PLEKHA8: variants seen among roughly 807,000 people sequenced by gnomAD.
PLEKHA8 encodes the protein pleckstrin homology domain-containing family A member 8.
PLEKHA8 carries 36 observed loss-of-function variants against 68.2 expected under a neutral mutation model. That is an observed-to-expected ratio of 0.53 (90% CI 0.40 to 0.70). PLEKHA8 has a LOEUF of 0.70. PLEKHA8 is among the 30% of genes least tolerant of loss of function. The pLI is 0.00. For synonymous variants in PLEKHA8, 211 were observed against 216.1 expected, an observed-to-expected ratio of 0.98 and a Z score of 0.20; for missense variants, 505 against 615.4, an observed-to-expected ratio of 0.82 and a Z score of 1.90.
At chr7:30,086,585 A>G (rs1485335854), downstream of PLEKHA8, among the ~76,000 whole-genome samples, 2 of 152,180 alleles carry the variant, frequency 1.3e-5, no homozygotes, top group Non-Finnish European at 2.9e-5. Context: ...CCAGCAAAGG[A>G]GAACAGAGTG....
chr7:30,065,245 G>A (rs1474868076), intron 12 of PLEKHA8, among the ~76,000 whole-genome samples: 1 of 152,180 alleles, frequency 6.6e-6, no homozygotes, highest in Non-Finnish European at 1.5e-5. Context: ...GAAAAGAGAA[G>A]GGAGGCTGTA....
intron 1 of PLEKHA8, among the ~76,000 whole-genome samples, chr7:30,039,993 A>G (rs747465080): frequency 8.5e-5 from 13 of 152,214 alleles, no homozygotes; most frequent in Non-Finnish European, 1.6e-4. Context: ...TTCACCTTAT[A>G]CACATTAACT....
chr7:30,036,702 A>G (rs1039065115), intron 1 of PLEKHA8, among the ~76,000 whole-genome samples: 1 of 152,202 alleles, frequency 6.6e-6, no homozygotes, highest in Non-Finnish European at 1.5e-5. Context: ...GATATAATCT[A>G]TTGTAATTAT....
At position 30,078,728 on chromosome 7, in the gene PLEKHA8, C is replaced by G; in HGVS notation, c.1501C>G (p.Leu501Val). 2 of 1,613,854 alleles carry G rather than the reference C, an allele frequency of 1.2e-6. No homozygotes were observed. The highest frequency in any genetic ancestry group is 1.7e-6 in the Non-Finnish European group (2 of 1,179,812). Residue 501 changes from leucine (L) to valine (V), a missense_variant, in exon 14 of 14, where the codon CTG becomes GTG. Physicochemically the swap from Leu to Val is conservative, Grantham distance 32 (BLOSUM62 1). Coordinates refer to ENST00000449726, the MANE Select transcript of PLEKHA8 (RefSeq NM_001197026.2). ...SLYLPAMEKQ[L>V]AILDTLYEVH... is the part of the protein sequence containing the mutation. ...TTACCTCCCTGCCATGGAGAAGCAG[C>G]TGGCCATACTGGACACTTTATATGA...
chr7:30,033,912 T>TATGCTG (rs1399153645), intron 1 of PLEKHA8, among the ~76,000 whole-genome samples: 1 of 152,074 alleles, frequency 6.6e-6, no homozygotes, highest in Admixed American at 6.5e-5. Flanking sequence ...TATCTTTTTA[T>TATGCTG]ATGCTGATTA....
intron 7 of PLEKHA8, among the ~76,000 whole-genome samples, chr7:30,053,896 A>G (rs893088831): frequency 6.6e-6 from 1 of 152,216 alleles, no homozygotes; most frequent in African/African-American, 2.4e-5. Flanking sequence ...CAATCAATAC[A>G]TAACCTTGTT....
At chr7:30,101,181 A>G (rs922203065) in intron 13 of PLEKHA8, among the ~76,000 whole-genome samples, 62 of 101,658 alleles carry the variant, frequency 6.1e-4, no homozygotes, top group African/African-American at 1.7e-3. Flanking sequence ...GACTTGGGGG[A>G]AAAAAAAAAA....
chr7:30,114,044 G>A (rs190925698), intron 13 of PLEKHA8, among the ~76,000 whole-genome samples: 1 of 151,962 alleles, frequency 6.6e-6, no homozygotes, highest in Admixed American at 6.6e-5. Context: ...GATTACAGGT[G>A]CACACCACCA....
At chr7:30,031,703 G>A (rs1219645210) in intron 1 of PLEKHA8, among the ~76,000 whole-genome samples, 4 of 152,202 alleles carry the variant, frequency 2.6e-5, no homozygotes, top group Non-Finnish European at 4.4e-5. Flanking sequence ...TGGCTTTAGC[G>A]TAGCGTAGAA....
downstream of PLEKHA8, among the ~76,000 whole-genome samples, chr7:30,085,413 T>C (rs1230866922): frequency 6.6e-6 from 1 of 152,212 alleles, no homozygotes; most frequent in African/African-American, 2.4e-5. Flanking sequence ...TCAGAGACAC[T>C]AGATGTAGAA....
At chr7:30,096,206 A>G (rs1193299283) in intron 13 of PLEKHA8, among the ~76,000 whole-genome samples, 1 of 152,174 alleles carries the variant, frequency 6.6e-6, no homozygotes, top group Non-Finnish European at 1.5e-5. Flanking sequence ...TTCCTTGAGC[A>G]GTGGTTTGTG....
At chr7:30,115,915 CGTGCGTGT>C (rs1562558351) in intron 13 of PLEKHA8, 3 of 141,442 alleles carry the variant, frequency 2.1e-5, no homozygotes, top group African/African-American at 7.9e-5. Flanking sequence ...TACATGCATG[CGTGCGTGT>C]ACATACATGT....
intron 2 of PLEKHA8, among the ~76,000 whole-genome samples, chr7:30,045,742 G>C (rs1430999137): frequency 6.6e-6 from 1 of 152,186 alleles, no homozygotes; most frequent in African/African-American, 2.4e-5. Flanking sequence ...AAAGGCCTCT[G>C]AGAAAATTCT....
chr7:30,029,695 GTGTT>G (rs1320474991), intron 1 of PLEKHA8, among the ~76,000 whole-genome samples: 1 of 152,206 alleles, frequency 6.6e-6, no homozygotes, highest in African/African-American at 2.4e-5. Context: ...TAAAGGCAGT[GTGTT>G]TGAAAGCAGA....
intron 12 of PLEKHA8, among the ~76,000 whole-genome samples, chr7:30,064,828 A>T (rs1261537230): frequency 3.9e-5 from 6 of 152,184 alleles, no homozygotes; most frequent in Non-Finnish European, 8.8e-5. Flanking sequence ...AGGGTTTAGC[A>T]CTGTGTGCCC....
chr7:30,109,846 A>G (rs2128016748), intron 13 of PLEKHA8, among the ~76,000 whole-genome samples: 1 of 151,734 alleles, frequency 6.6e-6, no homozygotes, highest in African/African-American at 2.4e-5. Context: ...TAATTTTTAA[A>G]TTTTATGTAG....
chr7:30,108,433 G>A (rs761108506), intron 13 of PLEKHA8, among the ~76,000 whole-genome samples: 1 of 152,132 alleles, frequency 6.6e-6, no homozygotes, highest in African/African-American at 2.4e-5. Context: ...ATGATTATCT[G>A]TTCTTCGAAG....
chr7:30,111,293 ATGTT>A (rs1796266617), intron 13 of PLEKHA8, among the ~76,000 whole-genome samples: 1 of 152,296 alleles, frequency 6.6e-6, no homozygotes, highest in South Asian at 2.1e-4. Flanking sequence ...ATATTTGAAA[ATGTT>A]TGTCAAAAAT....
chr7:30,059,330 C>T (rs998458344), intron 9 of PLEKHA8, among the ~76,000 whole-genome samples: 1 of 152,114 alleles, frequency 6.6e-6, no homozygotes, highest in Non-Finnish European at 1.5e-5. Context: ...CATGTACATG[C>T]AAATTATGTT....
Sources: gnomAD v4.1 joint callset for allele counts (sites outside exome capture counted in the v4.1 genomes callset) on GRCh38, gnomAD v4.1.1 for gene constraint, MANE v1.5 for transcripts, NCBI Gene and HGNC (gene_info 2026-07-23, HGNC 2026-07-21) for gene names.